Variants in ABLIM1 observed in about 807,000 individuals in gnomAD.
ABLIM1 encodes the protein actin binding LIM protein 1.
ABLIM1 carries 40 observed loss-of-function variants against 107.0 expected under a neutral mutation model. The ratio of observed to expected loss-of-function variants is 0.37; its 90% CI spans 0.29 to 0.49. ABLIM1 has a LOEUF of 0.49. Ranked by LOEUF, ABLIM1 falls within the 20% of genes least tolerant of loss-of-function variation. The pLI is 0.97. For missense variants in ABLIM1, 857 were observed against 1,008.5 expected (o/e 0.85, Z 2.04); for synonymous variants, 357 against 357.3 (o/e 1.00, Z 0.01).
intron 1 of ABLIM1, among the ~76,000 whole-genome samples, chr10:114,649,933 G>A (rs2079169156): frequency 6.6e-6 from 1 of 151,228 alleles, no homozygotes. Flanking sequence ...TCGGCTCACT[G>A]CAACCTCTGC....
intron 1 of ABLIM1, among the ~76,000 whole-genome samples, chr10:114,609,559 G>T (rs1359148863): frequency 6.6e-6 from 1 of 152,150 alleles, no homozygotes; most frequent in Non-Finnish European, 1.5e-5. Context: ...AAGCTCAATG[G>T]TCAGTTCCTC....
At chr10:114,551,770 C>G (rs1177720059) in intron 4 of ABLIM1, among the ~76,000 whole-genome samples, 2 of 152,186 alleles carry the variant, frequency 1.3e-5, no homozygotes, top group Non-Finnish European at 2.9e-5. Flanking sequence ...AATCAGGTAC[C>G]ACGTGAGGGC....
rs190780746 is a variant in ABLIM1 at position 114,764,434 on chromosome 10, G to A, written c.-213+3627C>T. Among the ~76,000 whole-genome samples the A allele has an allele frequency of 1.4e-4, 22 of 152,202 alleles. No individual in the cohort carries two copies. In the East Asian group the frequency reaches 2.3e-3, roughly 16 times the overall value. ...GTCACCCAAGCTGGAGTGCAAAGTCGCAATATCAGCGATTCTCATGCCTCA... is the reference window on the plus strand; with the variant it reads ...GTCACCCAAGCTGGAGTGCAAAGTCACAATATCAGCGATTCTCATGCCTCA... On this transcript the variant is annotated intron_variant, in intron 1 of 15. Coordinates refer to the ABLIM1 transcript ENST00000651092.
intron 7 of ABLIM1, among the ~76,000 whole-genome samples, chr10:114,489,534 A>G (rs999681909): frequency 1.3e-5 from 2 of 152,212 alleles, no homozygotes; most frequent in Non-Finnish European, 2.9e-5. Flanking sequence ...AAAAAATTCA[A>G]ACAAAAAGCA....
chr10:114,484,444 G>T (rs985526699), intron 8 of ABLIM1, among the ~76,000 whole-genome samples: 1 of 151,984 alleles, frequency 6.6e-6, no homozygotes, highest in Admixed American at 6.6e-5. Context: ...GTGCAGTGGC[G>T]CAATCTTGGC....
At position 114,629,962 on chromosome 10, in the gene ABLIM1, A is replaced by C. The variant is rs902526949; in HGVS notation, c.244+27995T>G. On this transcript the variant is annotated intron_variant, in intron 1 of 22. Coordinates refer to ENST00000533213, the MANE Select transcript of ABLIM1 (RefSeq NM_002313.7). This position sits in a 1 kb window ranked among gnomAD's most constrained non-coding sequence, Gnocchi z 4.0. ...TGGCACAGACCTCAAAATAAAACAGAACAGCCTTTAATCAGTGTCTAAGGG... is the reference window on the plus strand; with the variant it reads ...TGGCACAGACCTCAAAATAAAACAGCACAGCCTTTAATCAGTGTCTAAGGG... 6.6e-6 allele frequency among the ~76,000 whole-genome samples: 1 copy of C among 152,204 alleles called. No homozygotes were observed.
At chr10:114,640,347 C>A (rs1406106782) in intron 1 of ABLIM1, among the ~76,000 whole-genome samples, 1 of 152,094 alleles carries the variant, frequency 6.6e-6, no homozygotes, top group African/African-American at 2.4e-5. Context: ...GCCAACATGG[C>A]GAAACCTCGT....
At chr10:114,436,893 C>A (rs540023923) in intron 22 of ABLIM1, among the ~76,000 whole-genome samples, 1 of 152,126 alleles carries the variant, frequency 6.6e-6, no homozygotes, top group East Asian at 1.9e-4. Context: ...TGTACCTCTA[C>A]GCCAAGGTAC....
chr10:114,453,795 C>T (rs1037797064), intron 12 of ABLIM1, among the ~76,000 whole-genome samples: 4 of 152,044 alleles, frequency 2.6e-5, no homozygotes, highest in Non-Finnish European at 4.4e-5. Context: ...AGATTGGGAG[C>T]GATGGAAAGC....
intron 9 of ABLIM1, 92 bp from the exon 10 acceptor site, chr10:114,473,224 A>C: frequency 3.7e-6 from 5 of 1,352,176 alleles, no homozygotes; most frequent in Non-Finnish European, 5.0e-6. Flanking sequence ...TAAAAAGTGA[A>C]GGCCTTAAAA....
At chr10:114,779,029 G>C in the ABLIM1 span, 1 of 152,276 alleles carries the variant, frequency 6.6e-6, no homozygotes, top group Non-Finnish European at 1.5e-5. Flanking sequence ...AGGAGCATTA[G>C]AAGCCTCATC....
At chr10:114,587,182 CATT>C (rs1437189585) in intron 2 of ABLIM1, among the ~76,000 whole-genome samples, 5 of 152,192 alleles carry the variant, frequency 3.3e-5, no homozygotes, top group Admixed American at 6.5e-5. Context: ...TATTCCAACT[CATT>C]GTTGTAATCT....
intron 8 of ABLIM1, among the ~76,000 whole-genome samples, chr10:114,481,128 T>A (rs1590214179): frequency 6.6e-6 from 1 of 152,162 alleles, no homozygotes; most frequent in Non-Finnish European, 1.5e-5. Context: ...ACAGGTCTTA[T>A]TATTCTTCAA....
chr10:114,443,458 GC>G (rs1243257043), intron 17 of ABLIM1, among the ~76,000 whole-genome samples: 1 of 151,568 alleles, frequency 6.6e-6, no homozygotes, highest in East Asian at 1.9e-4. Flanking sequence ...GATTACAGGA[GC>G]CCACCACCAC....
chr10:114,547,634 C>T lies in ABLIM1; in HGVS notation c.800+16G>A, dbSNP rs377656417. 1.9e-4 allele frequency: 309 copies of T among 1,612,970 alleles called. No homozygotes were observed. Among genetic ancestry groups the T allele is most frequent in the Non-Finnish European group, 2.5e-4 (291 of 1,179,802 alleles). ...GGTGCCCACTGAAAGGAACGCGTGC[C>T]CGCGCCCAGCCTTACTTGCTGATGT... is the stretch of plus-strand genomic sequence containing the variant. On this transcript the variant is annotated intron_variant, in intron 5 of 22. Transcript: ENST00000533213.
At chr10:114,794,044 C>A in the ABLIM1 span, among the ~76,000 whole-genome samples, 3 of 152,346 alleles carry the variant, frequency 2.0e-5, no homozygotes, top group African/African-American at 7.2e-5. Flanking sequence ...AGGCACCATG[C>A]AGTCTGGCCG....
chr10:114,683,835 C>A (rs1283450838), intron 1 of ABLIM1, among the ~76,000 whole-genome samples: 2 of 152,136 alleles, frequency 1.3e-5, no homozygotes, highest in African/African-American at 4.8e-5. Context: ...CCAGCCGGGG[C>A]ACTCCTGAAG....
At chr10:114,786,783 T>C in the ABLIM1 span, among the ~76,000 whole-genome samples, 1 of 152,210 alleles carries the variant, frequency 6.6e-6, no homozygotes, top group Non-Finnish European at 1.5e-5. Flanking sequence ...AGATGGAGTC[T>C]CCTTCACTCA....
intron 1 of ABLIM1, among the ~76,000 whole-genome samples, chr10:114,701,732 A>C (rs181166786): frequency 6.6e-6 from 1 of 152,304 alleles, no homozygotes; most frequent in East Asian, 1.9e-4. Context: ...TAGGACCTTG[A>C]TTGTCTGGGA....
Sources: allele counts gnomAD v4.1 joint callset (sites outside exome capture counted in the v4.1 genomes callset), GRCh38; gene constraint gnomAD v4.1.1; non-coding constraint Gnocchi (gnomAD v3.1); transcripts MANE v1.5; gene names NCBI Gene and HGNC (gene_info 2026-07-23, HGNC 2026-07-21).